Variants in PREX1 observed in about 807,000 individuals in gnomAD.
PREX1 encodes phosphatidylinositol-3,4,5-trisphosphate dependent Rac exchange factor 1.
A neutral mutation model predicts 198.3 loss-of-function variants in PREX1; 41 were observed. The observed-to-expected ratio is 0.21, with a 90% CI of 0.16 to 0.27. The LOEUF is 0.27. Among genes scored for constraint, PREX1 ranks in the 10% least tolerant of loss-of-function variants. The pLI is 1.00. For synonymous variants in PREX1, 843 were observed against 887.2 expected (o/e 0.95, Z 0.89); for missense variants, 1,620 against 2,200.7 (o/e 0.74, Z 5.28).
At chr20:48,872,308 G>A in the PREX1 span, among the ~76,000 whole-genome samples, 3 of 152,010 alleles carry the variant, frequency 2.0e-5, no homozygotes, top group Non-Finnish European at 2.9e-5. Flanking sequence ...AGTTGGATAC[G>A]TATAAGTTGA....
chr20:48,860,857 G>A, the PREX1 span, among the ~76,000 whole-genome samples: 6 of 150,156 alleles, frequency 4.0e-5, no homozygotes, highest in East Asian at 1.9e-4. Context: ...AAGGCCAGAC[G>A]CAGTGGCTCA....
intron 1 of PREX1, among the ~76,000 whole-genome samples, chr20:48,775,670 C>T (rs990628681): frequency 1.5e-5 from 1 of 68,876 alleles, no homozygotes; most frequent in African/African-American, 3.3e-5. Flanking sequence ...CTTTCCCGTG[C>T]TGTTCTCGTG....
At chr20:48,857,257 C>G in the PREX1 span, among the ~76,000 whole-genome samples, 3 of 152,178 alleles carry the variant, frequency 2.0e-5, no homozygotes, top group Admixed American at 2.0e-4. Context: ...GGAAACACAC[C>G]TCATCTGAGA....
At chr20:48,671,137 G>A (rs751257154) in intron 14 of PREX1, among the ~76,000 whole-genome samples, 7 of 152,166 alleles carry the variant, frequency 4.6e-5, no homozygotes, top group African/African-American at 7.2e-5. Context: ...CAGCAATCTC[G>A]GTTCTCTTCC....
intron 31 of PREX1, among the ~76,000 whole-genome samples, chr20:48,637,303 G>A (rs1308913245): frequency 1.3e-5 from 2 of 152,204 alleles, no homozygotes; most frequent in African/African-American, 4.8e-5. Flanking sequence ...TCCTGCAGTA[G>A]CACCCCCTTG....
intron 1 of PREX1, among the ~76,000 whole-genome samples, chr20:48,789,661 C>T (rs764319255): frequency 4.6e-5 from 7 of 152,096 alleles, no homozygotes; most frequent in Admixed American, 3.3e-4. Context: ...ATTTCATGAA[C>T]ATTATTAAGC....
chr20:48,679,293 G>T (rs1393870457), intron 13 of PREX1, 67 bp downstream of exon 13: 4 of 1,442,120 alleles, frequency 2.8e-6, no homozygotes, highest in Non-Finnish European at 3.9e-6. Context: ...AGGTTAAGTT[G>T]CCAGCCCAAG....
intron 1 of PREX1, among the ~76,000 whole-genome samples, chr20:48,804,634 TACATGTGGA>T: frequency 6.6e-6 from 1 of 152,058 alleles, no homozygotes; most frequent in Non-Finnish European, 1.5e-5. Context: ...TTACGCAGGG[TACATGTGGA>T]GAACCAGGGG....
intron 4 of PREX1, among the ~76,000 whole-genome samples, chr20:48,726,785 A>G (rs977849152): frequency 1.3e-5 from 2 of 152,190 alleles, no homozygotes; most frequent in Non-Finnish European, 2.9e-5. Flanking sequence ...ACACCAGGAG[A>G]CTCAAAAATG....
At chr20:48,633,277 G>A (rs1423924735) in intron 33 of PREX1, among the ~76,000 whole-genome samples, 1 of 152,202 alleles carries the variant, frequency 6.6e-6, no homozygotes, top group Non-Finnish European at 1.5e-5. Flanking sequence ...TTTTCAGCAG[G>A]AGAGACACTG....
chr20:48,683,292 CAGA>C (rs530490362), intron 10 of PREX1, among the ~76,000 whole-genome samples: 2 of 152,208 alleles, frequency 1.3e-5, no homozygotes, highest in African/African-American at 4.8e-5. Flanking sequence ...GCTGCTGGGG[CAGA>C]AGAAGACGGC....
At chr20:48,801,189 C>T (rs992426692) in intron 1 of PREX1, among the ~76,000 whole-genome samples, 1 of 152,304 alleles carries the variant, frequency 6.6e-6, no homozygotes, top group Non-Finnish European at 1.5e-5. Context: ...TTCGTACTGG[C>T]ATTAGTGTCT....
chr20:48,875,481 T>C, the PREX1 span, among the ~76,000 whole-genome samples: 1 of 151,882 alleles, frequency 6.6e-6, no homozygotes, highest in Admixed American at 6.6e-5. Flanking sequence ...GGTGCCAGAG[T>C]GACCACAGAA....
intron 33 of PREX1, among the ~76,000 whole-genome samples, chr20:48,634,077 T>TGGATGGAC (rs2089338658): frequency 9.4e-6 from 1 of 106,642 alleles, no homozygotes; most frequent in African/African-American, 3.7e-5. Context: ...GATGGATGGA[T>TGGATGGAC]GGATGGACGG....
At chr20:48,885,265 A>C in the PREX1 span, among the ~76,000 whole-genome samples, 1 of 152,210 alleles carries the variant, frequency 6.6e-6, no homozygotes, top group Non-Finnish European at 1.5e-5. Flanking sequence ...TCCAGCACCT[A>C]AAAGAGTGTG....
Position 48,827,820 on chromosome 20 carries a change from G to A in PREX1, c.41C>T (p.Ala14Val). The part of the protein sequence containing the change: ...PSGSEPGGDG[A>V]GDCAHPDPRA... Reference sequence around the variant, plus strand: ...GGGGTCCGGGTGGGCGCAGTCCCCGGCCCCGTCGCCGCCGGGCTCGCTGCC... The same window carrying A: ...GGGGTCCGGGTGGGCGCAGTCCCCGACCCCGTCGCCGCCGGGCTCGCTGCC... Residue 14 changes from alanine to valine, a missense_variant, in exon 1 of 40, where the codon GCC becomes GTC. Transcript: ENST00000371941. The surrounding 1 kb of genome is among the most constrained non-coding windows in gnomAD (Gnocchi z 4.1). 1.0e-6 allele frequency: 1 copy of A among 1,002,984 alleles called. No homozygotes were observed. The highest frequency in any genetic ancestry group is 1.8e-5 in the African/African-American group (1 of 56,956). 62.1% of individuals were successfully genotyped at this position (1,002,984 alleles called of 1,614,324 possible).
intron 1 of PREX1, among the ~76,000 whole-genome samples, chr20:48,748,960 G>A (rs1046024371): frequency 3.3e-5 from 5 of 152,132 alleles, no homozygotes; most frequent in Non-Finnish European, 7.3e-5. Context: ...AAAAGTGGGG[G>A]GACCAGGGCA....
At chr20:48,633,620 G>A (rs528064037) in intron 33 of PREX1, among the ~76,000 whole-genome samples, 61 of 152,266 alleles carry the variant, frequency 4.0e-4, no homozygotes, top group African/African-American at 8.2e-4. Context: ...TGGCTGGGCC[G>A]GAGAATATGC....
chr20:48,695,351 G>C (rs1428910422), intron 7 of PREX1, among the ~76,000 whole-genome samples: 2 of 152,208 alleles, frequency 1.3e-5, no homozygotes, highest in Non-Finnish European at 2.9e-5. Flanking sequence ...CAGACATCTG[G>C]CTTCCTTCCA....
Sources: allele counts gnomAD v4.1 joint callset (sites outside exome capture counted in the v4.1 genomes callset), GRCh38; gene constraint gnomAD v4.1.1; non-coding constraint Gnocchi (gnomAD v3.1); transcripts MANE v1.5; gene names NCBI Gene and HGNC (gene_info 2026-07-23, HGNC 2026-07-21).